ANKIB1: variants seen among roughly 807,000 people sequenced by gnomAD.
ANKIB1 encodes the protein ankyrin repeat and IBR domain containing 1.
A neutral mutation model predicts 122.1 loss-of-function variants in ANKIB1; 43 were observed. The observed-to-expected ratio is 0.35, with a 90% CI of 0.28 to 0.45. The LOEUF is 0.45. ANKIB1 is among the 20% of genes least tolerant of loss of function. The probability of loss-of-function intolerance (pLI) is 1.00; values close to 1 mark genes in which losing one functional copy is unlikely to be tolerated. For synonymous variants in ANKIB1, 390 were observed against 442.0 expected (o/e 0.88, Z 1.48); for missense variants, 992 against 1,329.5 (o/e 0.75, Z 3.95).
intron 1 of ANKIB1, among the ~76,000 whole-genome samples, chr7:92,283,244 CAG>C (rs1164501549): frequency 6.6e-6 from 1 of 152,076 alleles, no homozygotes; most frequent in Non-Finnish European, 1.5e-5. Context: ...ACTGGAATAA[CAG>C]AAAAGTGAAT....
At chr7:92,307,857 A>C (rs900403608) in intron 3 of ANKIB1, among the ~76,000 whole-genome samples, 1 of 114,920 alleles carries the variant, frequency 8.7e-6, no homozygotes, top group African/African-American at 3.5e-5. Context: ...CTCTGTTGCC[A>C]GGCTGGAGTG....
intron 1 of ANKIB1, among the ~76,000 whole-genome samples, chr7:92,280,848 C>T (rs1448334098): frequency 1.3e-5 from 2 of 152,198 alleles, no homozygotes; most frequent in Non-Finnish European, 1.5e-5. Flanking sequence ...GTTTGTGATA[C>T]TCTACCTATT....
intron 10 of ANKIB1, among the ~76,000 whole-genome samples, chr7:92,365,238 A>T (rs935363665): frequency 6.6e-6 from 1 of 152,200 alleles, no homozygotes; most frequent in Non-Finnish European, 1.5e-5. Context: ...CATGTATGTG[A>T]TAACTTTTAG....
rs1024831249 is a variant in ANKIB1 at position 92,400,944 on chromosome 7, G to A, written c.*1995G>A. ...GTAATTTTTCCAATATAGAGTCTTTGCATCACACTGAGGCATCTTGCACAG... is the reference window on the plus strand; with the variant it reads ...GTAATTTTTCCAATATAGAGTCTTTACATCACACTGAGGCATCTTGCACAG... On this transcript the variant is annotated 3_prime_UTR_variant, in exon 20 of 20. Coordinates refer to ENST00000265742, the MANE Select transcript of ANKIB1 (RefSeq NM_019004.2). 4 of 152,190 alleles carry A rather than the reference G, an allele frequency of 2.6e-5. No individual in the cohort carries two copies. The highest frequency in any genetic ancestry group is 4.8e-5 in the African/African-American group (2 of 41,428). 9.4% of individuals were successfully genotyped at this position (152,190 alleles called of 1,614,324 possible).
chr7:92,379,378 C>T lies in ANKIB1; in HGVS notation c.1618-7131C>T, dbSNP rs532697979. 3.9e-5 allele frequency among the ~76,000 whole-genome samples: 6 copies of T among 152,020 alleles called. No individual in the cohort carries two copies. The South Asian group carries it at 1.0e-3, about 26-fold the overall frequency. Reference sequence around the variant, plus strand: ...CTGCACTCCAGCCTAGGTGACAGAGCGAGACTCCATCTAAAAAAAACTAAT... The same window carrying T: ...CTGCACTCCAGCCTAGGTGACAGAGTGAGACTCCATCTAAAAAAAACTAAT... On this transcript the variant is annotated intron_variant, in intron 11 of 19. Transcript: ENST00000265742.
intron 1 of ANKIB1, among the ~76,000 whole-genome samples, chr7:92,247,240 A>G (rs1324466008): frequency 6.6e-6 from 1 of 152,236 alleles, no homozygotes; most frequent in Non-Finnish European, 1.5e-5. Context: ...ATGTAAAGAT[A>G]AGAGTCTGCT....
intron 1 of ANKIB1, among the ~76,000 whole-genome samples, chr7:92,283,700 A>T (rs531666099): frequency 6.6e-6 from 1 of 152,344 alleles, no homozygotes; most frequent in African/African-American, 2.4e-5. Context: ...ACCTCGTAAC[A>T]TCATTGTGCA....
chr7:92,319,197 T>G, intron 3 of ANKIB1, 133 bp from the exon 4 acceptor site: 1 of 446,156 alleles, frequency 2.2e-6, no homozygotes, highest in Non-Finnish European at 3.7e-6. Context: ...TTTTTTGTCA[T>G]TTCAAATACA....
intron 5 of ANKIB1, among the ~76,000 whole-genome samples, chr7:92,339,259 G>A (rs1287907670): frequency 6.6e-6 from 1 of 151,584 alleles, no homozygotes; most frequent in African/African-American, 2.4e-5. Context: ...AGCCAGGATG[G>A]TCTTGATCTC....
At chr7:92,374,103 G>T (rs531265351) in intron 11 of ANKIB1, among the ~76,000 whole-genome samples, 10 of 152,138 alleles carry the variant, frequency 6.6e-5, no homozygotes, top group Admixed American at 1.3e-4. Context: ...ATTAACCATT[G>T]ATTATAAAAG....
chr7:92,319,283 C>A, intron 3 of ANKIB1, 47 bp from the exon 4 acceptor site: 3 of 1,188,432 alleles, frequency 2.5e-6, no homozygotes, highest in Non-Finnish European at 3.5e-6. Context: ...CATGAAATAA[C>A]TTATTTGAAC....
intron 17 of ANKIB1, among the ~76,000 whole-genome samples, chr7:92,393,139 A>T (rs936567241): frequency 6.6e-6 from 1 of 152,068 alleles, no homozygotes; most frequent in African/African-American, 2.4e-5. Flanking sequence ...GTTACCTGCA[A>T]CTGAAAGACA....
At chr7:92,391,609 CATAA>C (rs1469281530) in intron 16 of ANKIB1, among the ~76,000 whole-genome samples, 1 of 151,778 alleles carries the variant, frequency 6.6e-6, no homozygotes, top group Non-Finnish European at 1.5e-5. Context: ...CAGGTGAACT[CATAA>C]ATAAGAGTAT....
chr7:92,361,873 A>G (rs12666899), intron 9 of ANKIB1, among the ~76,000 whole-genome samples: 73,399 of 151,648 alleles, frequency 0.48, 18,013 homozygotes, highest in African/African-American at 0.56. Flanking sequence ...GCAATGGTGC[A>G]ATCTCGGCTC....
chr7:92,308,811 T>C (rs1802624967), intron 3 of ANKIB1, among the ~76,000 whole-genome samples: 1 of 152,140 alleles, frequency 6.6e-6, no homozygotes, highest in Non-Finnish European at 1.5e-5. Context: ...GAAGTTCTTT[T>C]GCATAGATGT....
intron 1 of ANKIB1, among the ~76,000 whole-genome samples, chr7:92,259,082 T>G (rs950754857): frequency 6.6e-6 from 1 of 152,128 alleles, no homozygotes; most frequent in African/African-American, 2.4e-5. Context: ...GCCTCCTGAG[T>G]AGCTGGGACC....
chr7:92,297,589 A>G (rs1802381568), intron 2 of ANKIB1, among the ~76,000 whole-genome samples: 1 of 151,654 alleles, frequency 6.6e-6, no homozygotes, highest in South Asian at 2.1e-4. Context: ...ACTTCTTTCC[A>G]TTCCTTTTGC....
At chr7:92,312,909 A>G (rs1282326407) in intron 3 of ANKIB1, among the ~76,000 whole-genome samples, 1 of 152,170 alleles carries the variant, frequency 6.6e-6, no homozygotes, top group Non-Finnish European at 1.5e-5. Flanking sequence ...ACTTGGGAAC[A>G]GGAATGGACT....
At chr7:92,387,735 C>A in intron 12 of ANKIB1, 63 bp from the exon 13 acceptor site, 2 of 1,293,050 alleles carry the variant, frequency 1.5e-6, no homozygotes, top group Non-Finnish European at 1.1e-6. Flanking sequence ...ATGATTCCCC[C>A]AAAAAACTAT....
Sources: gnomAD v4.1 joint callset for allele counts (sites outside exome capture counted in the v4.1 genomes callset) on GRCh38, gnomAD v4.1.1 for gene constraint, MANE v1.5 for transcripts, NCBI Gene and HGNC (gene_info 2026-07-23, HGNC 2026-07-21) for gene names.